AKAP6: variants seen among roughly 807,000 people sequenced by gnomAD.
AKAP6 encodes A-kinase anchor protein 6.
Under a neutral mutation model 188.5 loss-of-function variants are expected in AKAP6, and 58 were observed. The observed-to-expected ratio is 0.31, with a 90% confidence interval of 0.25 to 0.38. AKAP6 has a LOEUF of 0.38. Ranked by LOEUF, AKAP6 falls within the 10% of genes least tolerant of loss-of-function variation. The pLI is 1.00. For missense variants in AKAP6, 2,710 were observed against 2,740.0 expected (o/e 0.99, Z 0.24); for synonymous variants, 989 against 998.6 (o/e 0.99, Z 0.18).
chr14:32,457,369 C>T (rs375522328), intron 2 of AKAP6, among the ~76,000 whole-genome samples: 1 of 152,152 alleles, frequency 6.6e-6, no homozygotes, highest in Non-Finnish European at 1.5e-5. Context: ...ACATCTTCTT[C>T]ACTGTTTGGC....
intron 2 of AKAP6, among the ~76,000 whole-genome samples, chr14:32,456,275 T>G (rs1353702040): frequency 1.3e-5 from 2 of 152,186 alleles, no homozygotes; most frequent in Non-Finnish European, 2.9e-5. Flanking sequence ...TTATACTACT[T>G]TCAATGTCAT....
chr14:32,595,356 T>C (rs1885651264), intron 5 of AKAP6, among the ~76,000 whole-genome samples: 1 of 152,090 alleles, frequency 6.6e-6, no homozygotes, highest in Admixed American at 6.5e-5. Context: ...GCTCCCTGCT[T>C]CATGCTATAA....
intron 8 of AKAP6, among the ~76,000 whole-genome samples, chr14:32,684,797 G>T (rs911393029): frequency 2.6e-5 from 4 of 151,490 alleles, no homozygotes; most frequent in African/African-American, 4.9e-5. Flanking sequence ...AAAATACCTA[G>T]AATGCAATAA....
At chr14:32,363,144 C>A (rs1887718672) in intron 1 of AKAP6, among the ~76,000 whole-genome samples, 2 of 152,146 alleles carry the variant, frequency 1.3e-5, no homozygotes, top group South Asian at 4.1e-4. Flanking sequence ...AATAAAACCC[C>A]TACCAATAAC....
intron 2 of AKAP6, among the ~76,000 whole-genome samples, chr14:32,507,248 G>C (rs918867150): frequency 6.6e-6 from 1 of 152,144 alleles, no homozygotes; most frequent in Admixed American, 6.5e-5. Flanking sequence ...AATCAGACCT[G>C]TTCCAAAATT....
In AKAP6 at chr14:32,535,713, C is replaced by A. The variant is rs2139116646; in HGVS notation, c.484C>A (p.Arg162=). The A allele has an allele frequency of 6.2e-7, 1 of 1,614,194 alleles. No individual in the cohort carries two copies. The part of the protein sequence containing the change: ...HQLRVSVLVL[R]ERILQGLQDA... The stretch of plus-strand genomic sequence containing the variant: ...GCTTCGAGTCTCAGTGCTGGTTCTG[C>A]GGGAGCGCATTCTGCAAGGTCTGCA... Residue 162 remains arginine, a synonymous_variant, in exon 3 of 14, where the codon CGG becomes AGG. Transcript: ENST00000280979.
intron 1 of AKAP6, among the ~76,000 whole-genome samples, chr14:32,397,377 CTTT>C (rs60314050): frequency 6.1e-5 from 8 of 130,296 alleles, no homozygotes; most frequent in Admixed American, 7.6e-5. Context: ...TTTTTATTGT[CTTT>C]TTTTTTTTTT....
At chr14:32,377,242 A>C (rs1304662199) in intron 1 of AKAP6, among the ~76,000 whole-genome samples, 1 of 152,056 alleles carries the variant, frequency 6.6e-6, no homozygotes, top group Admixed American at 6.5e-5. Flanking sequence ...TGATGCAATT[A>C]TTTCTCTCGC....
rs1386119930 is a variant in AKAP6, at chr14:32,485,725, G to C, written c.325-49829G>C. On this transcript the variant is annotated intron_variant, in intron 2 of 13. Coordinates refer to ENST00000280979, the MANE Select transcript of AKAP6 (RefSeq NM_004274.5). ...GATTCTGGATATTAGCCCTTTGTCA[G>C]ATGGATAGATTGCAAAATTTTTCTC... Among the ~76,000 whole-genome samples the C allele has an allele frequency of 3.3e-5, 5 of 152,082 alleles. No individual in the cohort carries two copies. In the East Asian group the frequency reaches 9.6e-4, roughly 29 times the overall value.
intron 1 of AKAP6, among the ~76,000 whole-genome samples, chr14:32,415,706 C>T (rs1283750337): frequency 2.0e-5 from 3 of 152,092 alleles, no homozygotes; most frequent in Non-Finnish European, 4.4e-5. Flanking sequence ...CTTCCCTTAG[C>T]CCCTGGAAAC....
chr14:32,689,036 A>G (rs1890050451), intron 8 of AKAP6, among the ~76,000 whole-genome samples: 2 of 152,148 alleles, frequency 1.3e-5, no homozygotes, highest in African/African-American at 4.8e-5. Context: ...TCCCCTCTTA[A>G]CACACAAATG....
chr14:32,628,265 A>G (rs78901378), intron 7 of AKAP6, among the ~76,000 whole-genome samples: 1,719 of 152,254 alleles, frequency 0.011, 40 homozygotes, highest in African/African-American at 0.04. Context: ...TATTAAGAAT[A>G]GAAGTTTAAC....
intron 1 of AKAP6, among the ~76,000 whole-genome samples, chr14:32,415,599 C>T (rs1459928359): frequency 1.3e-5 from 2 of 152,234 alleles, no homozygotes; most frequent in Non-Finnish European, 1.5e-5. Flanking sequence ...CTACATTCAT[C>T]GTATCGTGCA....
chr14:32,696,504 G>A (rs1378722543), intron 9 of AKAP6, among the ~76,000 whole-genome samples: 1 of 152,064 alleles, frequency 6.6e-6, no homozygotes, highest in Non-Finnish European at 1.5e-5. Context: ...ATCTTCCCAG[G>A]GAAAAAAGAA....
chr14:32,770,500 A>G (rs368388709), intron 11 of AKAP6, among the ~76,000 whole-genome samples: 9 of 152,348 alleles, frequency 5.9e-5, no homozygotes, highest in African/African-American at 2.2e-4. Flanking sequence ...AAAAATGGCA[A>G]TAATGAAAAG....
At chr14:32,452,461 T>C (rs1025587009) in intron 2 of AKAP6, among the ~76,000 whole-genome samples, 1 of 152,228 alleles carries the variant, frequency 6.6e-6, no homozygotes, top group African/African-American at 2.4e-5. Context: ...AGTGTGGTGA[T>C]TATTTTCTTT....
Position 32,546,739 on chromosome 14 carries a change from G to C in AKAP6, c.2086G>C (p.Val696Leu). ...AAAGAAGCATACAAGGCTAGGCAGGGTGTCTCCAAGCTCATCTAGTGACAT... is the reference window on the plus strand; with the variant it reads ...AAAGAAGCATACAAGGCTAGGCAGGCTGTCTCCAAGCTCATCTAGTGACAT... ...VKKKHTRLGR[V>L]SPSSSSDIAS... is the part of the protein sequence containing the mutation. The change falls in exon 4 of 14, where the codon GTG (valine) becomes CTG (leucine). Residue 696 changes from valine to leucine, a missense_variant. By Grantham distance (32) the Val-to-Leu change is conservative (BLOSUM62 1). Coordinates refer to ENST00000280979, the MANE Select transcript of AKAP6 (RefSeq NM_004274.5). 1 of 1,614,136 alleles carries C rather than the reference G, an allele frequency of 6.2e-7. No individual in the cohort carries two copies.
intron 8 of AKAP6, 115 bp downstream of exon 8, chr14:32,678,574 C>G: frequency 2.6e-6 from 3 of 1,173,802 alleles, no homozygotes; most frequent in Non-Finnish European, 3.7e-6. Flanking sequence ...AGGAGAAGCT[C>G]AGTAGACTAG....
chr14:32,460,522 G>C (rs180948375), intron 2 of AKAP6, among the ~76,000 whole-genome samples: 291 of 152,250 alleles, frequency 1.9e-3, no homozygotes, highest in African/African-American at 6.8e-3. Context: ...AAGCCTTGAG[G>C]GACTGTGCTA....
Sources: allele counts gnomAD v4.1 joint callset (sites outside exome capture counted in the v4.1 genomes callset), GRCh38; gene constraint gnomAD v4.1.1; transcripts MANE v1.5; gene names NCBI Gene and HGNC (gene_info 2026-07-23, HGNC 2026-07-21).